ANO3: variants seen among roughly 807,000 people sequenced by gnomAD.
The protein encoded by ANO3 is anoctamin-3.
Under a neutral mutation model 144.8 loss-of-function variants are expected in ANO3, and 99 were observed. The observed-to-expected ratio is 0.68, with a 90% CI of 0.58 to 0.81. The LOEUF (loss-of-function observed/expected upper bound fraction) is 0.81, where lower values mean the gene tolerates loss of function less well. Among genes scored for constraint, ANO3 ranks in the 30% least tolerant of loss-of-function variants. The pLI, the probability that ANO3 is intolerant of heterozygous loss-of-function variation, is 0.00. For missense variants in ANO3, 905 were observed against 1,202.2 expected (o/e 0.75, Z 3.66); for synonymous variants, 414 against 392.6 (o/e 1.05, Z -0.64).
chr11:26,194,135 AGGTCACTTATTATAAT>A (rs1480545955), intron 1 of ANO3, among the ~76,000 whole-genome samples: 1 of 152,024 alleles, frequency 6.6e-6, no homozygotes, highest in Admixed American at 6.6e-5. Flanking sequence ...TAAGGAGGTG[AGGTCACTTATTATAAT>A]GGTTTTCCAG....
chr11:26,517,006 T>C (rs1861888746), intron 6 of ANO3, 79 bp downstream of exon 6: 2 of 737,294 alleles, frequency 2.7e-6, no homozygotes, highest in Non-Finnish European at 2.2e-6. Context: ...GAGCAACAAA[T>C]GCAACCCCTT....
chr11:26,256,923 G>A (rs1198828906), intron 1 of ANO3, among the ~76,000 whole-genome samples: 1 of 152,066 alleles, frequency 6.6e-6, no homozygotes, highest in East Asian at 1.9e-4. Context: ...GATGCTGCCA[G>A]TATCTAGAAA....
At chr11:26,556,520 A>T (rs369241133) in intron 13 of ANO3, among the ~76,000 whole-genome samples, 1 of 152,236 alleles carries the variant, frequency 6.6e-6, no homozygotes, top group East Asian at 1.9e-4. Context: ...AACATTTGTT[A>T]AAAAAGCAGA....
chr11:26,376,664 A>G (rs911826201), intron 1 of ANO3, among the ~76,000 whole-genome samples: 2 of 152,182 alleles, frequency 1.3e-5, no homozygotes, highest in African/African-American at 4.8e-5. Flanking sequence ...AGTAAAAAAA[A>G]AAAAGAATAA....
At chr11:26,600,241 TTCCTCTCCTC>T (rs72092871) in intron 17 of ANO3, among the ~76,000 whole-genome samples, 173 of 87,866 alleles carry the variant, frequency 2.0e-3, no homozygotes, top group African/African-American at 5.3e-3. Context: ...CTCGTCTCCT[TTCCTCTCCTC>T]TCCTCTCCTC....
intron 1 of ANO3, among the ~76,000 whole-genome samples, chr11:26,417,385 A>T (rs1857620961): frequency 6.6e-6 from 1 of 152,138 alleles, no homozygotes; most frequent in South Asian, 2.1e-4. Flanking sequence ...CTCACAAAAA[A>T]TATGGATAAT....
At chr11:26,644,156 CT>C (rs1366618774) in intron 23 of ANO3, among the ~76,000 whole-genome samples, 5 of 152,128 alleles carry the variant, frequency 3.3e-5, no homozygotes, top group African/African-American at 1.2e-4. Flanking sequence ...CGTAACAAAA[CT>C]TAACATTTTT....
chr11:26,395,929 CA>C (rs1168634362), intron 1 of ANO3, among the ~76,000 whole-genome samples: 1 of 151,994 alleles, frequency 6.6e-6, no homozygotes, highest in Non-Finnish European at 1.5e-5. Context: ...CAACAAAAGC[CA>C]AAATTGACAA....
chr11:26,233,133 C>T (rs1213127282), intron 1 of ANO3, among the ~76,000 whole-genome samples: 9 of 151,064 alleles, frequency 6.0e-5, no homozygotes, highest in African/African-American at 1.5e-4. Context: ...AGGAGAATGG[C>T]GTGAACCCAG....
intron 6 of ANO3, among the ~76,000 whole-genome samples, chr11:26,521,575 C>G (rs1222142432): frequency 1.3e-5 from 2 of 152,110 alleles, no homozygotes; most frequent in Non-Finnish European, 2.9e-5. Context: ...CTTGATGTTT[C>G]AAGTCTAACC....
intron 26 of ANO3, among the ~76,000 whole-genome samples, 167 bp from the exon 27 acceptor site, chr11:26,660,095 C>T (rs571987116): frequency 3.9e-5 from 6 of 152,234 alleles, no homozygotes; most frequent in East Asian, 3.9e-4. Flanking sequence ...AAGAAAGCAA[C>T]AGTAGTGTTT....
intron 1 of ANO3, among the ~76,000 whole-genome samples, chr11:26,325,604 A>G (rs1401269323): frequency 1.3e-5 from 2 of 152,190 alleles, no homozygotes; most frequent in Non-Finnish European, 2.9e-5. Context: ...AAATCTTTTC[A>G]TCCTAAGACT....
intron 1 of ANO3, among the ~76,000 whole-genome samples, chr11:26,376,454 T>C (rs936738145): frequency 6.6e-6 from 1 of 152,186 alleles, no homozygotes; most frequent in Non-Finnish European, 1.5e-5. Context: ...TTCACCCTTG[T>C]TCTGAAAAAT....
At chr11:26,295,201 CCG>C (rs1854058615) in intron 1 of ANO3, among the ~76,000 whole-genome samples, 1 of 152,002 alleles carries the variant, frequency 6.6e-6, no homozygotes, top group Non-Finnish European at 1.5e-5. Flanking sequence ...GTGTGAGCCA[CCG>C]CGCCTGCCTC....
chr11:26,321,136 A>C (rs1854750378), intron 1 of ANO3, among the ~76,000 whole-genome samples: 2 of 152,120 alleles, frequency 1.3e-5, no homozygotes, highest in Admixed American at 6.6e-5. Flanking sequence ...TGTTCTCATA[A>C]TCAAATAATT....
intron 1 of ANO3, among the ~76,000 whole-genome samples, chr11:26,338,732 T>C (rs1215985837): frequency 6.6e-6 from 1 of 151,614 alleles, no homozygotes; most frequent in Non-Finnish European, 1.5e-5. Flanking sequence ...CGTGCCACCT[T>C]TAAGAGCTGT....
chr11:26,609,988 T>A (rs1043692794), intron 17 of ANO3, among the ~76,000 whole-genome samples: 11 of 152,244 alleles, frequency 7.2e-5, no homozygotes, highest in African/African-American at 2.7e-4. Flanking sequence ...CTCAGCTCAC[T>A]GCAAACTTCA....
At chr11:26,420,696 A>C (rs963069111) in intron 1 of ANO3, among the ~76,000 whole-genome samples, 1 of 152,032 alleles carries the variant, frequency 6.6e-6, no homozygotes, top group African/African-American at 2.4e-5. Context: ...TTCAGGCCTC[A>C]GAATGATAAA....
At chr11:26,389,204 A>G (rs1217423874) in intron 1 of ANO3, among the ~76,000 whole-genome samples, 1 of 152,156 alleles carries the variant, frequency 6.6e-6, no homozygotes, top group Non-Finnish European at 1.5e-5. Flanking sequence ...CTCTTAGGAA[A>G]AAAATGTGGA....
Sources: gnomAD v4.1 joint callset for allele counts (sites outside exome capture counted in the v4.1 genomes callset) on GRCh38, gnomAD v4.1.1 for gene constraint, MANE v1.5 for transcripts, NCBI Gene and HGNC (gene_info 2026-07-23, HGNC 2026-07-21) for gene names.